The following HS1BP3 variants were observed in gnomAD, a reference collection of about 807,000 sequenced individuals.
HS1BP3 encodes the protein HCLS1-binding protein 3.
In HS1BP3, 32 loss-of-function variants were observed where a neutral mutation model predicts 33.5. The ratio of observed to expected loss-of-function variants is 0.95; its 90% CI spans 0.72 to 1.28. HS1BP3 has a LOEUF of 1.28. Ranked by LOEUF, HS1BP3 falls within the 50% of genes most tolerant of loss-of-function variation. HS1BP3 has a pLI of 0.00. For missense variants in HS1BP3, 486 were observed against 502.3 expected, an observed-to-expected ratio of 0.97 and a Z score of 0.31; for synonymous variants, 187 against 209.2, an observed-to-expected ratio of 0.89 and a Z score of 0.92.
intron 6 of HS1BP3, among the ~76,000 whole-genome samples, 178 bp from the exon 7 acceptor site, chr2:20,619,423 C>T (rs996084499): frequency 3.9e-5 from 6 of 152,278 alleles, no homozygotes; most frequent in Admixed American, 3.9e-4. Context: ...ACCCATCCTG[C>T]CCAGAGGAGA....
At chr2:20,635,098 GC>G (rs1214280341) in intron 4 of HS1BP3, 1 of 152,248 alleles carries the variant, frequency 6.6e-6, no homozygotes, top group Non-Finnish European at 1.5e-5. Flanking sequence ...AGGGGCTTCA[GC>G]CCTTAGAGAA....
intron 4 of HS1BP3, chr2:20,635,371 T>G (rs907724819): frequency 4.6e-5 from 7 of 152,094 alleles, no homozygotes; most frequent in Admixed American, 6.6e-5. Context: ...TGGAAGGACC[T>G]AGAACATGTA....
At chr2:20,647,436 A>G (rs1258875411) in intron 1 of HS1BP3, among the ~76,000 whole-genome samples, 1 of 152,168 alleles carries the variant, frequency 6.6e-6, no homozygotes, top group Admixed American at 6.5e-5. Flanking sequence ...ATTGAAATTC[A>G]TGGCTGCAGA....
intron 6 of HS1BP3, chr2:20,622,068 CAG>C: frequency 3.2e-6 from 2 of 629,300 alleles, no homozygotes; most frequent in South Asian, 2.0e-5. Flanking sequence ...TGTGGCTGCA[CAG>C]CCAGAAGGAA....
intron 5 of HS1BP3, among the ~76,000 whole-genome samples, chr2:20,570,111 G>A (rs77196421): frequency 2.0e-5 from 3 of 152,106 alleles, no homozygotes; most frequent in Non-Finnish European, 4.4e-5. Flanking sequence ...CAATTCCAGG[G>A]CTTTTGACAC....
At chr2:20,567,961 A>T (rs746000533) in intron 5 of HS1BP3, among the ~76,000 whole-genome samples, 2 of 152,150 alleles carry the variant, frequency 1.3e-5, no homozygotes, top group Non-Finnish European at 2.9e-5. Context: ...TCATTTGAAC[A>T]GTCAGTCCCC....
intron 5 of HS1BP3, among the ~76,000 whole-genome samples, chr2:20,573,012 A>C (rs994940144): frequency 2.6e-5 from 4 of 152,234 alleles, no homozygotes; most frequent in African/African-American, 9.6e-5. Context: ...GAATACTACC[A>C]AAAGTACCCC....
intron 1 of HS1BP3, among the ~76,000 whole-genome samples, chr2:20,646,536 T>C (rs934603): frequency 1 from 152,261 of 152,386 alleles, 76,068 homozygotes; most frequent in Middle Eastern, 1. Context: ...CAGTGATGCG[T>C]CTCCTATGCC....
intron 3 of HS1BP3, among the ~76,000 whole-genome samples, chr2:20,595,621 G>A (rs1235318423): frequency 1.3e-5 from 2 of 152,242 alleles, no homozygotes; most frequent in East Asian, 3.9e-4. Flanking sequence ...GCTCTGTGCT[G>A]CGGCCCTTCC....
chr2:20,560,198 G>A (rs1454093065), downstream of HS1BP3, among the ~76,000 whole-genome samples: 4 of 152,318 alleles, frequency 2.6e-5, no homozygotes, highest in Non-Finnish European at 5.9e-5. Context: ...AAAGGCAATG[G>A]GGAAGGTGGT....
At chr2:20,576,726 A>G (rs549933137) in intron 5 of HS1BP3, among the ~76,000 whole-genome samples, 3 of 152,320 alleles carry the variant, frequency 2.0e-5, no homozygotes, top group South Asian at 4.1e-4. Flanking sequence ...GGGACTTTTT[A>G]TTCCACAACA....
rs1395670285 is a variant in HS1BP3 at position 20,624,040 on chromosome 2, A to G, written c.785-9T>C. On this transcript the variant is annotated splice_polypyrimidine_tract_variant and intron_variant, in intron 5 of 6. Transcript: ENST00000304031. The stretch of plus-strand genomic sequence containing the variant: ...ATCAAATAGCTTCAGGGCTGTGGGA[A>G]GGCAGCAGCAGGGGGGTCAGAGGAA... 1.2e-6 allele frequency: 2 copies of G among 1,610,448 alleles called. No homozygotes were observed. Among genetic ancestry groups the G allele is most frequent in the Admixed American group, 3.3e-5 (2 of 59,740 alleles).
intron 2 of HS1BP3, among the ~76,000 whole-genome samples, chr2:20,644,308 A>G (rs1695451899): frequency 6.6e-6 from 1 of 152,024 alleles, no homozygotes; most frequent in Non-Finnish European, 1.5e-5. Flanking sequence ...CTTCTCCCCA[A>G]GAGTCCCTGA....
chr2:20,590,718 A>G (rs1039977314), downstream of HS1BP3: 3 of 153,118 alleles, frequency 2.0e-5, no homozygotes, highest in African/African-American at 7.3e-5. Context: ...GTGAGAACTT[A>G]TCAAACACCT....
At chr2:20,646,728 G>A (rs1232181792) in intron 1 of HS1BP3, among the ~76,000 whole-genome samples, 2 of 152,252 alleles carry the variant, frequency 1.3e-5, no homozygotes, top group East Asian at 1.9e-4. Flanking sequence ...GTGTGCACGC[G>A]CGGCCTGGTG....
intron 5 of HS1BP3, among the ~76,000 whole-genome samples, chr2:20,565,450 A>C (rs79759182): frequency 0.022 from 3,339 of 152,176 alleles, 74 homozygotes; most frequent in South Asian, 0.054. Context: ...CCCTCTCCAC[A>C]ATTAATGATC....
At chr2:20,622,078 G>A (rs747485565) in intron 6 of HS1BP3, 103 of 729,646 alleles carry the variant, frequency 1.4e-4, no homozygotes, top group Non-Finnish European at 1.9e-4. Flanking sequence ...CAGCCAGAAG[G>A]AACAAAGCCT....
At chr2:20,633,330 C>A (rs1695022956) in intron 4 of HS1BP3, among the ~76,000 whole-genome samples, 1 of 152,216 alleles carries the variant, frequency 6.6e-6, no homozygotes, top group Non-Finnish European at 1.5e-5. Flanking sequence ...AAGATCCAGT[C>A]CTCACTTGTC....
intron 2 of HS1BP3, among the ~76,000 whole-genome samples, chr2:20,610,313 T>G (rs886504543): frequency 7.2e-5 from 11 of 152,182 alleles, no homozygotes; most frequent in African/African-American, 2.7e-4. Flanking sequence ...GGATCCACCA[T>G]GAGAGTATCA....
Sources: allele counts gnomAD v4.1 joint callset (sites outside exome capture counted in the v4.1 genomes callset), GRCh38; gene constraint gnomAD v4.1.1; transcripts MANE v1.5; gene names NCBI Gene and HGNC (gene_info 2026-07-23, HGNC 2026-07-21).